Variants in PROS1 observed in about 807,000 individuals in gnomAD.
The protein encoded by PROS1 is vitamin K-dependent protein S.
In PROS1, 29 loss-of-function variants were observed where a neutral mutation model predicts 75.9. The observed-to-expected ratio is 0.38, with a 90% CI of 0.28 to 0.52. The LOEUF (loss-of-function observed/expected upper bound fraction) is 0.52. Ranked by LOEUF, PROS1 falls within the 20% of genes least tolerant of loss-of-function variation. The probability of loss-of-function intolerance (pLI) is 0.83; values close to 1 mark genes in which losing one functional copy is unlikely to be tolerated. For missense variants in PROS1, 680 were observed against 810.3 expected (o/e 0.84, Z 1.95); for synonymous variants, 245 against 280.6 (o/e 0.87, Z 1.27).
At chr3:93,888,855 A>G (rs1375233377) in intron 10 of PROS1, among the ~76,000 whole-genome samples, 1 of 152,126 alleles carries the variant, frequency 6.6e-6, no homozygotes, top group Non-Finnish European at 1.5e-5. Flanking sequence ...AAACTAGATC[A>G]TGTCCCTTCT....
intron 12 of PROS1, among the ~76,000 whole-genome samples, chr3:93,883,455 A>G (rs542031376): frequency 5.7e-4 from 87 of 152,054 alleles, no homozygotes; most frequent in African/African-American, 2.0e-3. Flanking sequence ...TTAGCAGGGC[A>G]TGGTGGCGCA....
chr3:93,931,209 C>T (rs140238952), intron 1 of PROS1, among the ~76,000 whole-genome samples: 154 of 152,252 alleles, frequency 1.0e-3, no homozygotes, highest in African/African-American at 3.4e-3. Context: ...TGATTTGCTA[C>T]GAGTTGTGCT....
chr3:93,874,471 G>GAAGTC, intron 14 of PROS1, 66 bp from the exon 15 acceptor site: 2 of 1,585,370 alleles, frequency 1.3e-6, no homozygotes, highest in Non-Finnish European at 1.7e-6. Context: ...TACAGTGAGA[G>GAAGTC]AAGTCATTCA....
chr3:93,952,045 A>G (rs1293728128), intron 1 of PROS1, among the ~76,000 whole-genome samples: 2 of 152,218 alleles, frequency 1.3e-5, no homozygotes, highest in African/African-American at 4.8e-5. Flanking sequence ...CCCTAAATAT[A>G]TATGCACCCA....
At chr3:93,928,447 T>C (rs535185245) in intron 1 of PROS1, among the ~76,000 whole-genome samples, 57 of 148,912 alleles carry the variant, frequency 3.8e-4, no homozygotes, top group African/African-American at 1.3e-3. Context: ...GACACGAGAA[T>C]CATTTGAACC....
intron 4 of PROS1, among the ~76,000 whole-genome samples, chr3:93,909,433 TAAA>T (rs752049146): frequency 2.5e-5 from 2 of 79,888 alleles, no homozygotes; most frequent in Non-Finnish European, 2.6e-5. Flanking sequence ...AGAGCTTGTC[TAAA>T]AAAAAAAAAA....
chr3:93,923,720 C>T (rs1164836448), intron 3 of PROS1, among the ~76,000 whole-genome samples: 6 of 151,842 alleles, frequency 4.0e-5, no homozygotes, highest in Admixed American at 2.0e-4. Context: ...GCCAACATGG[C>T]GAAACCCTGT....
chr3:93,910,565 C>T, intron 4 of PROS1, 54 bp downstream of exon 4: 2 of 1,430,852 alleles, frequency 1.4e-6, no homozygotes, highest in Non-Finnish European at 2.0e-6. Context: ...CATGGGTGTA[C>T]TTTACCTACA....
intron 3 of PROS1, among the ~76,000 whole-genome samples, chr3:93,913,394 T>C (rs1372215355): frequency 6.6e-6 from 1 of 152,216 alleles, no homozygotes; most frequent in Admixed American, 6.5e-5. Flanking sequence ...GATGGTTTTA[T>C]AAATGGGAGG....
At chr3:93,948,295 T>G (rs1419963853) in intron 1 of PROS1, among the ~76,000 whole-genome samples, 1 of 151,024 alleles carries the variant, frequency 6.6e-6, no homozygotes, top group African/African-American at 2.4e-5. Flanking sequence ...AAAAGTAGGC[T>G]GCAATGAAAA....
chr3:93,900,185 GC>G (rs1708569670), intron 7 of PROS1, among the ~76,000 whole-genome samples: 1 of 152,190 alleles, frequency 6.6e-6, no homozygotes, highest in East Asian at 1.9e-4. Flanking sequence ...TGCACACAGG[GC>G]AGCGCCACTG....
At chr3:93,905,638 C>T in intron 6 of PROS1, 146 bp downstream of exon 6, 1 of 860,076 alleles carries the variant, frequency 1.2e-6, no homozygotes, top group Non-Finnish European at 1.8e-6. Context: ...AGCAGTTCCA[C>T]AGTATCACAA....
At chr3:93,932,528 A>C (rs1360272146) in intron 1 of PROS1, among the ~76,000 whole-genome samples, 1 of 152,252 alleles carries the variant, frequency 6.6e-6, no homozygotes, top group Non-Finnish European at 1.5e-5. Context: ...TAAGAAGTAC[A>C]ACTGAGTCAA....
chr3:93,941,069 C>T (rs1390197933), intron 1 of PROS1, among the ~76,000 whole-genome samples: 1 of 152,100 alleles, frequency 6.6e-6, no homozygotes, highest in Admixed American at 6.6e-5. Context: ...TTGCCTTTAC[C>T]CTGACACCCA....
chr3:93,930,791 A>G (rs1709095064), intron 1 of PROS1, among the ~76,000 whole-genome samples: 1 of 152,182 alleles, frequency 6.6e-6, no homozygotes. Flanking sequence ...CATGCAACAT[A>G]TTTTTCCATA....
chr3:93,928,106 C>A (rs1260336851), intron 1 of PROS1, among the ~76,000 whole-genome samples: 4 of 141,416 alleles, frequency 2.8e-5, no homozygotes, highest in Non-Finnish European at 4.5e-5. Context: ...CCTCTGCCTG[C>A]CAGATTCAAG....
At chr3:93,903,192 T>G (rs1283740163) in intron 6 of PROS1, among the ~76,000 whole-genome samples, 2 of 152,168 alleles carry the variant, frequency 1.3e-5, no homozygotes, top group African/African-American at 4.8e-5. Flanking sequence ...TATATTCTTC[T>G]ATCTGTTTTA....
At chr3:93,874,930 T>C (rs535898399) in intron 14 of PROS1, among the ~76,000 whole-genome samples, 1 of 152,300 alleles carries the variant, frequency 6.6e-6, no homozygotes, top group African/African-American at 2.4e-5. Context: ...GGATTCACTT[T>C]CATGTACTAT....
chr3:93,931,142 G>C (rs1026214746), intron 1 of PROS1, among the ~76,000 whole-genome samples: 1 of 152,080 alleles, frequency 6.6e-6, no homozygotes, highest in Non-Finnish European at 1.5e-5. Context: ...TAAACTATCA[G>C]ACAGAATTAT....
Sources: allele counts gnomAD v4.1 joint callset (sites outside exome capture counted in the v4.1 genomes callset), GRCh38; gene constraint gnomAD v4.1.1; transcripts MANE v1.5; gene names NCBI Gene and HGNC (gene_info 2026-07-23, HGNC 2026-07-21).